MYRF: variants seen among roughly 807,000 people sequenced by gnomAD.
MYRF encodes the protein myelin regulatory factor, also known as myelin gene regulatory factor.
In MYRF, 16 loss-of-function variants were observed where a neutral mutation model predicts 126.3. The ratio of observed to expected loss-of-function variants is 0.13; its 90% CI spans 0.09 to 0.19. The LOEUF (loss-of-function observed/expected upper bound fraction) is 0.19. Among genes scored for constraint, MYRF ranks in the 10% least tolerant of loss-of-function variants. The pLI, the probability that MYRF is intolerant of heterozygous loss-of-function variation, is 1.00. For missense variants in MYRF, 1,104 were observed against 1,547.0 expected (o/e 0.71, Z 4.80); for synonymous variants, 608 against 635.3 (o/e 0.96, Z 0.65).
At position 61,776,009 on chromosome 11, in the gene MYRF, A is replaced by T; in HGVS notation, c.1312-47A>T. 6.3e-7 allele frequency: 1 copy of T among 1,591,134 alleles called. No individual in the cohort carries two copies. Among genetic ancestry groups the T allele is most frequent in the African/African-American group, 1.3e-5 (1 of 74,442 alleles). ...TGAGAGGGGGCAGGAGGGCAGGACC[A>T]GCCGGGTAGCCCCATCCTGAGGTGC... On this transcript the variant is annotated intron_variant, in intron 8 of 26. Transcript: ENST00000278836. This position sits in a 1 kb window ranked among gnomAD's most constrained non-coding sequence, Gnocchi z 4.3.
Position 61,776,248 on chromosome 11 carries a change from C to CT in MYRF, c.1389-73dup. ...TGTCCGCCTCATGTACGTTGCTGGC[C>CT]TGGGTGCCCCTCAGTGGCGTGGCTC... On this transcript the variant is annotated intron_variant, in intron 9 of 26. Coordinates refer to ENST00000278836, the MANE Select transcript of MYRF (RefSeq NM_001127392.3). The surrounding 1 kb of genome is among the most constrained non-coding windows in gnomAD (Gnocchi z 4.3). The CT allele has an allele frequency of 6.4e-7, 1 of 1,563,754 alleles. No individual in the cohort carries two copies. Among genetic ancestry groups the CT allele is most frequent in the Non-Finnish European group, 8.8e-7 (1 of 1,140,896 alleles).
chr11:61,779,700 A>T, intron 16 of MYRF, 130 bp downstream of exon 16: 1 of 1,209,026 alleles, frequency 8.3e-7, no homozygotes, highest in Non-Finnish European at 1.2e-6. Context: ...TAGCCCTCCC[A>T]GCCCCGTTTC....
Position 61,783,382 on chromosome 11 carries a change from AAT to A in MYRF, c.3017-114_3017-113del. 1 of 803,156 alleles carries A rather than the reference AAT, an allele frequency of 1.2e-6. No individual in the cohort carries two copies. Among genetic ancestry groups the A allele is most frequent in the Non-Finnish European group, 2.1e-6 (1 of 478,482 alleles). 49.8% of individuals were successfully genotyped at this position (803,156 alleles called of 1,614,324 possible). A position where few individuals can be genotyped will look rare whatever the true frequency, so the allele number is the denominator to read the frequency against. ...TGGCCATTGTGGAGGTCTGGAAAAA[AAT>A]AACCTGGAACTTATTCATACTAAGG... On this transcript the variant is annotated intron_variant, in intron 22 of 26. Transcript: ENST00000278836. The surrounding 1 kb of genome is among the most constrained non-coding windows in gnomAD (Gnocchi z 4.6).
chr11:61,776,293 C>T lies in MYRF; in HGVS notation c.1389-29C>T. 1 of 1,596,100 alleles carries T rather than the reference C, an allele frequency of 6.3e-7. No individual in the cohort carries two copies. The highest frequency in any genetic ancestry group is 8.6e-7 in the Non-Finnish European group (1 of 1,168,380). ...TGGCTCTTGCAGCCTCCCTCCCTGC[C>T]CCCTGAGCACCCTGCCTCTCCTCTG... On this transcript the variant is annotated intron_variant, in intron 9 of 26. Coordinates refer to ENST00000278836, the MANE Select transcript of MYRF (RefSeq NM_001127392.3). The surrounding 1 kb of genome is among the most constrained non-coding windows in gnomAD (Gnocchi z 4.3).
chr11:61,761,269 G>A (rs539103082), intron 1 of MYRF, among the ~76,000 whole-genome samples: 1 of 145,344 alleles, frequency 6.9e-6, no homozygotes, highest in African/African-American at 2.4e-5. Context: ...TGGGGGGGGG[G>A]GCACATAAGC....
rs2066691586 is a variant in MYRF at position 61,786,211 on chromosome 11, A to G, written c.*68A>G. The G allele has an allele frequency of 4.1e-6, 6 of 1,467,384 alleles. No individual in the cohort carries two copies. In the South Asian group the frequency reaches 4.6e-5, roughly 11 times the overall value. The allele number at this position is 1,467,384 out of a possible 1,614,324, so 90.9% of individuals were successfully genotyped here. A position where few individuals can be genotyped will look rare whatever the true frequency, so the allele number is the denominator to read the frequency against. On this transcript the variant is annotated 3_prime_UTR_variant, in exon 27 of 27. Transcript: ENST00000278836. This position sits in a 1 kb window ranked among gnomAD's most constrained non-coding sequence, Gnocchi z 4.5. Reference sequence around the variant, plus strand: ...CCAGGCACCCCCCAACACTGGATGCAATGGTGTTACACTGGAGCCCGCTGC... The same window carrying G: ...CCAGGCACCCCCCAACACTGGATGCGATGGTGTTACACTGGAGCCCGCTGC...
At position 61,784,345 on chromosome 11, in the gene MYRF, G is replaced by C; in HGVS notation, c.3260G>C (p.Gly1087Ala). 3 of 1,614,010 alleles carry C rather than the reference G, an allele frequency of 1.9e-6. No homozygotes were observed. The highest frequency in any genetic ancestry group is 2.5e-6 in the Non-Finnish European group (3 of 1,180,012). The change falls in exon 25 of 27, where the codon GGG becomes GCG. Residue 1087 changes from glycine to alanine, a missense_variant. This residue lies in a region of MYRF where 94 missense variants were observed against 164.6 expected (regional missense o/e 0.57). Coordinates refer to ENST00000278836, the MANE Select transcript of MYRF (RefSeq NM_001127392.3). ...LRSKEEPCEEGSLPQSLHTHQ... is the reference protein window; with the variant it reads ...LRSKEEPCEEASLPQSLHTHQ... The stretch of plus-strand genomic sequence containing the variant: ...TCAAAGGAGGAACCATGTGAGGAGG[G>C]GAGCCTTCCACAGAGTCTCCACACC...
intron 1 of MYRF, among the ~76,000 whole-genome samples, chr11:61,763,143 G>A (rs2065947809): frequency 6.6e-6 from 1 of 152,186 alleles, no homozygotes. Context: ...CGGCCAGGGT[G>A]GGGGCGACGC....
At chr11:61,761,267 G>GT (rs919815170) in intron 1 of MYRF, among the ~76,000 whole-genome samples, 3 of 151,778 alleles carry the variant, frequency 2.0e-5, no homozygotes, top group African/African-American at 7.3e-5. Context: ...GGTGGGGGGG[G>GT]GGGCACATAA....
At chr11:61,756,614 G>T (rs1488692537) in intron 1 of MYRF, among the ~76,000 whole-genome samples, 1 of 146,088 alleles carries the variant, frequency 6.8e-6, no homozygotes, top group South Asian at 2.3e-4. Context: ...CCAGTGCAGG[G>T]CAGGGGTGGG....
rs1360033512 is a variant in MYRF, at chr11:61,757,297, C to G, written c.46+4507C>G. 2.2e-6 allele frequency: 1 copy of G among 456,604 alleles called. No homozygotes were observed. Among genetic ancestry groups the G allele is most frequent in the Non-Finnish European group, 4.4e-6 (1 of 226,936 alleles). 28.3% of individuals were successfully genotyped at this position (456,604 alleles called of 1,614,324 possible). On this transcript the variant is annotated intron_variant, in intron 1 of 26. Coordinates refer to ENST00000278836, the MANE Select transcript of MYRF (RefSeq NM_001127392.3). The surrounding 1 kb of genome is among the most constrained non-coding windows in gnomAD (Gnocchi z 4.7). ...GAGGGCAGCTGGGGTCTGTTCCTAG[C>G]TCTCCTGCTTACCCACAGTGCTTCT...
At chr11:61,767,813 CAAAAAAAAA>C (rs35214869) in intron 3 of MYRF, among the ~76,000 whole-genome samples, 3 of 64,916 alleles carry the variant, frequency 4.6e-5, no homozygotes, top group African/African-American at 1.3e-4. Flanking sequence ...GACCCTGTCT[CAAAAAAAAA>C]AAAAAAAAAA....
Position 61,776,667 on chromosome 11 carries a change from G to T in MYRF, c.1500-120G>T. 1.2e-6 allele frequency: 1 copy of T among 858,368 alleles called. No individual in the cohort carries two copies. The highest frequency in any genetic ancestry group is 1.8e-6 in the Non-Finnish European group (1 of 559,938). 53.2% of individuals were successfully genotyped at this position (858,368 alleles called of 1,614,324 possible). A position where few individuals can be genotyped will look rare whatever the true frequency, so the allele number is the denominator to read the frequency against. ...CCCTGGGGAATTTCTGCCCCCTGGT[G>T]GAGGCTCGGGTTCCTCCTCTGTAGG... On this transcript the variant is annotated intron_variant, in intron 10 of 26. Coordinates refer to ENST00000278836, the MANE Select transcript of MYRF (RefSeq NM_001127392.3). This position sits in a 1 kb window ranked among gnomAD's most constrained non-coding sequence, Gnocchi z 4.3.
At chr11:61,755,649 G>A (rs770211856) in intron 1 of MYRF, 1 of 725,674 alleles carries the variant, frequency 1.4e-6, no homozygotes, top group Admixed American at 2.0e-5. Flanking sequence ...AAGACAGGAG[G>A]GGGTGGCAGA....
chr11:61,777,703 G>A lies in MYRF; in HGVS notation c.1792-31G>A. 2 of 1,541,248 alleles carry A rather than the reference G, an allele frequency of 1.3e-6. No individual in the cohort carries two copies. The highest frequency in any genetic ancestry group is 1.4e-5 in the African/African-American group (1 of 72,978). On this transcript the variant is annotated intron_variant, in intron 12 of 26. Transcript: ENST00000278836. The surrounding 1 kb of genome is among the most constrained non-coding windows in gnomAD (Gnocchi z 8.8). ...GGCCTGCTCCGGGACGGCCGCAGGA[G>A]GGGTTCATTCCCGGGCCTGGCTCCC...
intron 5 of MYRF, 41 bp from the exon 6 acceptor site, chr11:61,771,459 G>A: frequency 6.3e-7 from 1 of 1,587,784 alleles, no homozygotes; most frequent in Non-Finnish European, 8.6e-7. Flanking sequence ...GAGGGGCTCG[G>A]GGAGAGCCAG....
Position 61,778,689 on chromosome 11 carries a change from C to A in MYRF, c.2013+200C>A. 1.5e-6 allele frequency: 1 copy of A among 660,920 alleles called. No individual in the cohort carries two copies. The highest frequency in any genetic ancestry group is 2.8e-6 in the Non-Finnish European group (1 of 358,744). The allele number at this position is 660,920 out of a possible 1,614,324, so 40.9% of individuals were successfully genotyped here. A position where few individuals can be genotyped will look rare whatever the true frequency, so the allele number is the denominator to read the frequency against. ...AGGAGATGAGTGGGTAGGGATTTGG[C>A]CCCTGGAGCCTGTGTGATCAAGGGC... is the stretch of plus-strand genomic sequence containing the variant. On this transcript the variant is annotated intron_variant, in intron 14 of 26. Transcript: ENST00000278836. The surrounding 1 kb of genome is among the most constrained non-coding windows in gnomAD (Gnocchi z 4.6).
rs778579346 is a variant in MYRF at position 61,774,015 on chromosome 11, G to C, written c.1164G>C (p.Ser388=). 1.9e-6 allele frequency: 3 copies of C among 1,613,434 alleles called. No homozygotes were observed. Among genetic ancestry groups the C allele is most frequent in the African/African-American group, 1.3e-5 (1 of 75,036 alleles). The change falls in exon 8 of 27, where the codon TCG becomes TCC. Residue 388 remains serine, a synonymous_variant. Transcript: ENST00000278836. The stretch of plus-strand genomic sequence containing the variant: ...ATGCGGACAAGGGCTTCAACTTTTC[G>C]GTGGGCGACGACGCCTTTGTGTGCC... The part of the protein sequence containing the change: ...RVDADKGFNF[S]VGDDAFVCQK...
At position 61,788,294 on chromosome 11, in the gene MYRF, G is replaced by T. The variant is rs563047366; in HGVS notation, c.*2151G>T. 1 of 152,308 alleles carries T rather than the reference G, an allele frequency of 6.6e-6. No homozygotes were observed. The highest frequency in any genetic ancestry group is 1.9e-4 in the East Asian group (1 of 5,298). The allele number at this position is 152,308 out of a possible 1,614,324, so 9.4% of individuals were successfully genotyped here. On this transcript the variant is annotated 3_prime_UTR_variant, in exon 27 of 27. Coordinates refer to ENST00000278836, the MANE Select transcript of MYRF (RefSeq NM_001127392.3). ...CAGTGCAAATCCTCCTGCCCATACC[G>T]TGCACCCTTAGAAGCCTGCGTGTGC...
Sources: allele counts gnomAD v4.1 joint callset (sites outside exome capture counted in the v4.1 genomes callset), GRCh38; gene constraint gnomAD v4.1.1; regional missense constraint gnomAD v4.1.1; non-coding constraint Gnocchi (gnomAD v3.1); transcripts MANE v1.5; gene names NCBI Gene and HGNC (gene_info 2026-07-23, HGNC 2026-07-21).